The following CFAP299 variants were observed in gnomAD, a reference collection of about 807,000 sequenced individuals.
CFAP299 encodes the protein cilia- and flagella-associated protein 299.
A neutral mutation model predicts 27.0 loss-of-function variants in CFAP299; 21 were observed. The ratio of observed to expected loss-of-function variants is 0.78; its 90% CI spans 0.55 to 1.12. The LOEUF (loss-of-function observed/expected upper bound fraction) is 1.12, where lower values mean the gene tolerates loss of function less well. Ranked by LOEUF, CFAP299 falls within the 50% of genes most tolerant of loss-of-function variation. The probability of loss-of-function intolerance (pLI) is 0.00; values close to 1 mark genes in which losing one functional copy is unlikely to be tolerated. For synonymous variants in CFAP299, 104 were observed against 98.1 expected, an observed-to-expected ratio of 1.06 and a Z score of -0.36; for missense variants, 310 against 276.6, an observed-to-expected ratio of 1.12 and a Z score of -0.86.
At chr4:80,849,775 G>A (rs1422759822) in intron 3 of CFAP299, among the ~76,000 whole-genome samples, 2 of 152,110 alleles carry the variant, frequency 1.3e-5, no homozygotes, top group South Asian at 2.1e-4. Context: ...GTTGCAATTA[G>A]ATGGGTGGAA....
At chr4:80,368,611 A>G (rs1723965170) in intron 2 of CFAP299, among the ~76,000 whole-genome samples, 1 of 152,154 alleles carries the variant, frequency 6.6e-6, no homozygotes, top group South Asian at 2.1e-4. Flanking sequence ...CAACATAGTG[A>G]GACCCCAAAT....
intron 3 of CFAP299, among the ~76,000 whole-genome samples, chr4:80,780,833 G>T (rs1726831312): frequency 6.6e-6 from 1 of 151,814 alleles, no homozygotes; most frequent in Admixed American, 6.6e-5. Flanking sequence ...ACTAGAATAG[G>T]TGGTAAACAA....
rs185164219 is a variant in CFAP299, at chr4:80,537,635, T to A, written c.243-45458T>A. On this transcript the variant is annotated intron_variant, in intron 2 of 5. Coordinates refer to ENST00000358105, the MANE Select transcript of CFAP299 (RefSeq NM_152770.3). ...AGTCATATGTGGAATCTAAAAGAGT[T>A]GAGCTTGTAGAACAGAGAGTTGAAT... Among the ~76,000 whole-genome samples the A allele has an allele frequency of 1.3e-3, 198 of 152,212 alleles. 1 individual carries two copies. The highest frequency in any genetic ancestry group is 5.7e-4 in the Non-Finnish European group (39 of 67,968).
At chr4:80,837,285 A>C (rs1034010130) in intron 3 of CFAP299, among the ~76,000 whole-genome samples, 1 of 152,078 alleles carries the variant, frequency 6.6e-6, no homozygotes, top group East Asian at 1.9e-4. Context: ...TGTTTTTAAT[A>C]TCTCTCTTGT....
At chr4:80,883,565 C>T (rs1733821436) in intron 4 of CFAP299, among the ~76,000 whole-genome samples, 1 of 151,804 alleles carries the variant, frequency 6.6e-6, no homozygotes, top group Admixed American at 6.6e-5. Context: ...CACAAATAGG[C>T]TGAAAATGAA....
At chr4:80,661,877 T>G (rs1452156021) in intron 3 of CFAP299, among the ~76,000 whole-genome samples, 2 of 152,280 alleles carry the variant, frequency 1.3e-5, no homozygotes, top group South Asian at 2.1e-4. Flanking sequence ...AGGGGAGGCC[T>G]CTGAAATGGC....
intron 3 of CFAP299, among the ~76,000 whole-genome samples, chr4:80,741,351 C>A (rs1258553359): frequency 2.0e-5 from 3 of 152,146 alleles, no homozygotes; most frequent in African/African-American, 4.8e-5. Flanking sequence ...TGGGTTCAAG[C>A]AATTCTACCG....
chr4:80,915,205 T>G (rs760416674), intron 4 of CFAP299, among the ~76,000 whole-genome samples: 2 of 152,034 alleles, frequency 1.3e-5, no homozygotes, highest in Non-Finnish European at 2.9e-5. Flanking sequence ...AAATTATTTT[T>G]ATTTGTAAAA....
chr4:80,640,753 A>G (rs964603371), intron 3 of CFAP299, among the ~76,000 whole-genome samples: 4 of 152,072 alleles, frequency 2.6e-5, no homozygotes, highest in African/African-American at 9.7e-5. Flanking sequence ...TTTCCCTCCC[A>G]TGTGCACATT....
At chr4:80,565,000 T>C (rs1735212430) in intron 2 of CFAP299, among the ~76,000 whole-genome samples, 1 of 151,998 alleles carries the variant, frequency 6.6e-6, no homozygotes, top group South Asian at 2.1e-4. Context: ...TGATTGTTGA[T>C]AAGGATGTAA....
chr4:80,372,902 A>T (rs907473515), intron 2 of CFAP299, among the ~76,000 whole-genome samples: 2 of 152,358 alleles, frequency 1.3e-5, no homozygotes, highest in African/African-American at 2.4e-5. Context: ...GAGGCAGAAA[A>T]GAACTTATTC....
intron 2 of CFAP299, among the ~76,000 whole-genome samples, chr4:80,481,925 AT>A (rs1214440072): frequency 1.3e-5 from 2 of 152,050 alleles, no homozygotes; most frequent in African/African-American, 2.4e-5. Flanking sequence ...AATATCAAAT[AT>A]TTAATTAAGA....
intron 4 of CFAP299, among the ~76,000 whole-genome samples, chr4:80,927,610 G>A (rs1736371013): frequency 6.6e-6 from 1 of 152,054 alleles, no homozygotes; most frequent in Admixed American, 6.6e-5. Flanking sequence ...CGGATGCTCT[G>A]GGGAGGAATC....
chr4:80,698,491 T>A (rs1231917208), intron 3 of CFAP299, among the ~76,000 whole-genome samples: 1 of 152,226 alleles, frequency 6.6e-6, no homozygotes, highest in African/African-American at 2.4e-5. Context: ...ATTAATTTAG[T>A]GTAGTAAATA....
At chr4:80,521,443 G>A (rs1188581162) in intron 2 of CFAP299, among the ~76,000 whole-genome samples, 6 of 152,074 alleles carry the variant, frequency 3.9e-5, no homozygotes, top group African/African-American at 9.7e-5. Context: ...ATAGGTAAAC[G>A]ATTATTTTGT....
At chr4:80,786,302 C>G (rs939562651) in intron 3 of CFAP299, among the ~76,000 whole-genome samples, 2 of 152,014 alleles carry the variant, frequency 1.3e-5, no homozygotes, top group African/African-American at 2.4e-5. Flanking sequence ...GACATTAAAA[C>G]CAATGAAAAC....
chr4:80,899,139 A>G (rs1347627291), intron 4 of CFAP299, among the ~76,000 whole-genome samples: 1 of 152,214 alleles, frequency 6.6e-6, no homozygotes, highest in Non-Finnish European at 1.5e-5. Flanking sequence ...TAACACCTAT[A>G]TGGAAGGCTA....
intron 3 of CFAP299, among the ~76,000 whole-genome samples, chr4:80,814,090 G>A (rs1729301402): frequency 6.6e-6 from 1 of 151,850 alleles, no homozygotes; most frequent in African/African-American, 2.4e-5. Flanking sequence ...TTTATTTAGT[G>A]CAATAATTTT....
chr4:80,755,102 T>G (rs769049430), intron 3 of CFAP299, among the ~76,000 whole-genome samples: 1 of 152,098 alleles, frequency 6.6e-6, no homozygotes, highest in African/African-American at 2.4e-5. Flanking sequence ...TGAGATAAAA[T>G]CTATTAATAC....
Sources: gnomAD v4.1 joint callset for allele counts (sites outside exome capture counted in the v4.1 genomes callset) on GRCh38, gnomAD v4.1.1 for gene constraint, MANE v1.5 for transcripts, NCBI Gene and HGNC (gene_info 2026-07-23, HGNC 2026-07-21) for gene names.